Variants in AFF1 observed in about 807,000 individuals in gnomAD.
The protein encoded by AFF1 is AF4/FMR2 family member 1.
Under a neutral mutation model 121.7 loss-of-function variants are expected in AFF1, and 48 were observed. That is an observed-to-expected ratio of 0.39 (90% CI 0.31 to 0.50). The LOEUF is 0.50. Ranked by LOEUF, AFF1 falls within the 20% of genes least tolerant of loss-of-function variation. AFF1 has a pLI of 0.76. For missense variants in AFF1, 1,523 were observed against 1,511.7 expected, an observed-to-expected ratio of 1.01 and a Z score of -0.12; for synonymous variants, 613 against 563.0, an observed-to-expected ratio of 1.09 and a Z score of -1.26.
In AFF1 at chr4:86,971,147, C is replaced by T. The variant is rs906104814; in HGVS notation, c.38+22576C>T. The stretch of plus-strand genomic sequence containing the variant: ...TGCAGTGGATGGGGATTATCTTTCC[C>T]TCCCATTTCACTAATGGAGAAAGTC... On this transcript the variant is annotated intron_variant, in intron 2 of 20. Transcript: ENST00000395146. Among the ~76,000 whole-genome samples, 4 of 152,146 alleles carry T rather than the reference C, an allele frequency of 2.6e-5. No individual in the cohort carries two copies. In the East Asian group the frequency reaches 7.7e-4, roughly 29 times the overall value.
chr4:86,939,371 A>G (rs1326312893), intron 1 of AFF1, among the ~76,000 whole-genome samples: 2 of 152,216 alleles, frequency 1.3e-5, no homozygotes, highest in African/African-American at 4.8e-5. Flanking sequence ...GTTTTTCAAG[A>G]ATTACAGCTT....
rs919170826 is a variant in AFF1 at position 87,139,572 on chromosome 4, C to T, written c.*3871C>T. The T allele has an allele frequency of 1.0e-4, 23 of 230,232 alleles. No homozygotes were observed. The highest frequency in any genetic ancestry group is 4.3e-4 in the East Asian group (7 of 16,184). 14.3% of individuals were successfully genotyped at this position (230,232 alleles called of 1,614,324 possible). On this transcript the variant is annotated 3_prime_UTR_variant, in exon 21 of 21. Transcript: ENST00000395146. ...TTTTCTCACTGAAAAGTGAGAGTTACGCATTGCAGCCATGAAGGGATGCTA... is the reference window on the plus strand; with the variant it reads ...TTTTCTCACTGAAAAGTGAGAGTTATGCATTGCAGCCATGAAGGGATGCTA...
At chr4:87,099,267 C>T (rs1038699661) in intron 8 of AFF1, among the ~76,000 whole-genome samples, 4 of 152,228 alleles carry the variant, frequency 2.6e-5, no homozygotes, top group African/African-American at 9.6e-5. Flanking sequence ...GTAATATCTA[C>T]ATCCCTTATT....
rs777601874 is a variant in AFF1 at position 87,115,247 on chromosome 4, G to T, written c.2414G>T (p.Ser805Ile). 20 of 1,613,678 alleles carry T rather than the reference G, an allele frequency of 1.2e-5. No individual in the cohort carries two copies. The South Asian group carries it at 2.0e-4, about 16-fold the overall frequency. The change falls in exon 12 of 21, where the codon AGC (serine) becomes ATC (isoleucine). Residue 805 changes from serine (S) to isoleucine (I), a missense_variant. This residue lies in a region of AFF1 where 905 missense variants were observed against 842.5 expected (regional missense o/e 1.07). Transcript: ENST00000395146. ...DKQPPAGKKHSSEKRSSDSSS... is the reference protein window; with the variant it reads ...DKQPPAGKKHISEKRSSDSSS... ...CAGCCGCCCGCAGGGAAGAAGCACAGCTCTGAGAAGAGGAGCTCAGACAGC... is the reference window on the plus strand; with the variant it reads ...CAGCCGCCCGCAGGGAAGAAGCACATCTCTGAGAAGAGGAGCTCAGACAGC...
intron 4 of AFF1, among the ~76,000 whole-genome samples, chr4:87,051,151 T>A (rs1395727680): frequency 6.6e-6 from 1 of 152,184 alleles, no homozygotes; most frequent in Non-Finnish European, 1.5e-5. Flanking sequence ...GCAAATAAGG[T>A]CTTAAAGGGT....
At chr4:86,941,093 C>A (rs1257639372) in intron 1 of AFF1, among the ~76,000 whole-genome samples, 1 of 151,662 alleles carries the variant, frequency 6.6e-6, no homozygotes, top group Non-Finnish European at 1.5e-5. Flanking sequence ...GACTCGGTTT[C>A]AAAACAAAAC....
intron 2 of AFF1, among the ~76,000 whole-genome samples, chr4:86,994,232 G>A (rs1405679461): frequency 1.3e-5 from 2 of 152,206 alleles, no homozygotes; most frequent in Non-Finnish European, 2.9e-5. Flanking sequence ...AACACACGAA[G>A]TTGCTAATTC....
chr4:86,985,370 G>A (rs960058988), intron 2 of AFF1, among the ~76,000 whole-genome samples: 2 of 151,398 alleles, frequency 1.3e-5, no homozygotes, highest in South Asian at 4.2e-4. Flanking sequence ...AATTAGCTGG[G>A]TGTGGTGGTG....
chr4:87,127,166 T>TGGGGGGGGG, intron 15 of AFF1, 49 bp downstream of exon 15: 1 of 1,084,620 alleles, frequency 9.2e-7, no homozygotes, highest in Non-Finnish European at 1.3e-6. Context: ...TTGTTTTGCT[T>TGGGGGGGGG]CCCCCCCCCA....
chr4:86,971,903 A>G (rs1452386927), intron 2 of AFF1, among the ~76,000 whole-genome samples: 1 of 152,130 alleles, frequency 6.6e-6, no homozygotes, highest in Non-Finnish European at 1.5e-5. Flanking sequence ...TGGGGAGGCT[A>G]AGACTGGAGG....
intron 16 of AFF1, 83 bp from the exon 17 acceptor site, chr4:87,131,000 G>A (rs1728774707): frequency 2.6e-6 from 4 of 1,536,792 alleles, no homozygotes; most frequent in Non-Finnish European, 3.5e-6. Context: ...GACAGTGGAG[G>A]AAAGTCACAC....
chr4:86,964,290 A>AT (rs1314970244), intron 2 of AFF1, among the ~76,000 whole-genome samples: 1 of 146,640 alleles, frequency 6.8e-6, no homozygotes, highest in Non-Finnish European at 1.5e-5. Flanking sequence ...CATCCAGCTA[A>AT]TTTTTTTTAT....
At chr4:87,060,423 A>AT (rs148269076) in intron 4 of AFF1, among the ~76,000 whole-genome samples, 1,759 of 152,302 alleles carry the variant, frequency 0.012, 37 homozygotes, top group African/African-American at 0.04. Flanking sequence ...CTAGAAAAGG[A>AT]TTTGCAATTT....
chr4:87,017,529 A>C (rs1727425553), intron 2 of AFF1, among the ~76,000 whole-genome samples: 1 of 152,224 alleles, frequency 6.6e-6, no homozygotes, highest in Non-Finnish European at 1.5e-5. Flanking sequence ...TAGTAAAGAA[A>C]ACTCCAACTC....
intron 4 of AFF1, among the ~76,000 whole-genome samples, chr4:87,061,133 A>C (rs1487374619): frequency 6.6e-6 from 1 of 152,182 alleles, no homozygotes; most frequent in Non-Finnish European, 1.5e-5. Context: ...CATTCAAGTC[A>C]TGTAAAATAA....
intron 4 of AFF1, among the ~76,000 whole-genome samples, chr4:87,061,907 T>G (rs976443580): frequency 6.6e-6 from 1 of 152,242 alleles, no homozygotes; most frequent in African/African-American, 2.4e-5. Context: ...TAGAATAAAC[T>G]TTGCTTTTTT....
intron 4 of AFF1, among the ~76,000 whole-genome samples, chr4:87,075,947 TA>T (rs1381727759): frequency 2.6e-5 from 4 of 152,202 alleles, no homozygotes; most frequent in African/African-American, 7.2e-5. Context: ...TTATAAATAT[TA>T]AATGAGTCTA....
At chr4:87,053,118 G>C (rs1346075299) in intron 4 of AFF1, among the ~76,000 whole-genome samples, 4 of 152,190 alleles carry the variant, frequency 2.6e-5, no homozygotes, top group Non-Finnish European at 4.4e-5. Flanking sequence ...TGTTTATTTA[G>C]TAGGTATTTA....
At position 87,047,459 on chromosome 4, in the gene AFF1, T is replaced by A; in HGVS notation, c.924T>A (p.Asp308Glu). ...ATGTCCGGCCCATGGATGGTCAAGA[T>A]CAGGCCCCTAGTGAATCCCCTGAAC... ...TAYVRPMDGQ[D>E]QAPSESPELK... is the part of the protein sequence containing the mutation. Residue 308 changes from aspartate (D) to glutamate (E), a missense_variant, in exon 4 of 21, where the codon GAT becomes GAA. Coordinates refer to ENST00000395146, the MANE Select transcript of AFF1 (RefSeq NM_001166693.3). The A allele has an allele frequency of 1.2e-6, 2 of 1,614,062 alleles. No individual in the cohort carries two copies. The highest frequency in any genetic ancestry group is 1.7e-6 in the Non-Finnish European group (2 of 1,180,010).
Sources: allele counts gnomAD v4.1 joint callset (sites outside exome capture counted in the v4.1 genomes callset), GRCh38; gene constraint gnomAD v4.1.1; regional missense constraint gnomAD v4.1.1; transcripts MANE v1.5; gene names NCBI Gene and HGNC (gene_info 2026-07-23, HGNC 2026-07-21).